Variants in SNPH observed in about 807,000 individuals in gnomAD.
SNPH encodes syntaphilin.
Under a neutral mutation model 36.8 loss-of-function variants are expected in SNPH, and 10 were observed. The observed-to-expected ratio is 0.27, with a 90% confidence interval of 0.17 to 0.46. The LOEUF (loss-of-function observed/expected upper bound fraction) is 0.46. SNPH is among the 20% of genes least tolerant of loss of function. SNPH has a pLI of 1.00. For missense variants in SNPH, 622 were observed against 744.0 expected (o/e 0.84, Z 1.91); for synonymous variants, 281 against 312.2 (o/e 0.90, Z 1.05).
At chr20:1,298,792 T>A (rs1378200369) in intron 5 of SNPH, among the ~76,000 whole-genome samples, 1 of 146,684 alleles carries the variant, frequency 6.8e-6, no homozygotes, top group Non-Finnish European at 1.5e-5. Flanking sequence ...CACAGCGTAT[T>A]TTTTTTCTAA....
chr20:1,271,510 T>G (rs1389726351), intron 2 of SNPH, among the ~76,000 whole-genome samples: 1 of 151,988 alleles, frequency 6.6e-6, no homozygotes, highest in Non-Finnish European at 1.5e-5. Flanking sequence ...CCCAGAAAAT[T>G]TTTGTATTTT....
intron 2 of SNPH, among the ~76,000 whole-genome samples, chr20:1,279,290 T>A (rs2088187771): frequency 6.6e-6 from 1 of 152,238 alleles, no homozygotes; most frequent in Admixed American, 6.5e-5. Context: ...TCCTTATGGC[T>A]TTAATTGGCA....
In SNPH at chr20:1,309,210, G is replaced by C. The variant is rs929599715; in HGVS notation, c.*3156G>C. The stretch of plus-strand genomic sequence containing the variant: ...CCATCCCCTTCACGAAGAATTCAGG[G>C]GATGTGGGAAGTGGGGAGGCGGGGA... On this transcript the variant is annotated 3_prime_UTR_variant, in exon 7 of 7. Transcript: ENST00000381867. 1 of 152,658 alleles carries C rather than the reference G, an allele frequency of 6.6e-6. No homozygotes were observed. The highest frequency in any genetic ancestry group is 6.5e-5 in the Admixed American group (1 of 15,290). 9.5% of individuals were successfully genotyped at this position (152,658 alleles called of 1,614,324 possible). A position where few individuals can be genotyped will look rare whatever the true frequency, so the allele number is the denominator to read the frequency against.
chr20:1,306,433 C>CCCTGCACCATCCTGT lies in SNPH; in HGVS notation c.*382_*396dup, dbSNP rs1391302598. The CCCTGCACCATCCTGT allele has an allele frequency of 5.3e-6, 1 of 188,288 alleles. No individual in the cohort carries two copies. The highest frequency in any genetic ancestry group is 1.1e-5 in the Non-Finnish European group (1 of 93,342). The allele number at this position is 188,288 out of a possible 1,614,324, so 11.7% of individuals were successfully genotyped here. ...GGCTTGAGTTGCCCATAGGCCCCTGCCCTGCACCATCCTGTCCAGTGCCCT... is the reference window on the plus strand; with the variant it reads ...GGCTTGAGTTGCCCATAGGCCCCTGCCCTGCACCATCCTGTCCTGCACCATCCTGTCCAGTGCCCT... On this transcript the variant is annotated 3_prime_UTR_variant, in exon 7 of 7. Transcript: ENST00000381867.
chr20:1,281,004 T>TG (rs2088211378), intron 2 of SNPH, among the ~76,000 whole-genome samples: 1 of 151,900 alleles, frequency 6.6e-6, no homozygotes, highest in South Asian at 2.1e-4. Context: ...CTGGGTGGAG[T>TG]GGGGGGTGTG....
Position 1,305,518 on chromosome 20 carries a change from G to A in SNPH, c.1081G>A (p.Asp361Asn). 5.0e-6 allele frequency: 8 copies of A among 1,613,258 alleles called. No homozygotes were observed. Among genetic ancestry groups the A allele is most frequent in the Non-Finnish European group, 5.9e-6 (7 of 1,179,982 alleles). The change falls in exon 7 of 7, where the codon GAC becomes AAC. Residue 361 changes from aspartate (D) to asparagine (N), a missense_variant. Asp to Asn is a conservative substitution (Grantham distance 23). This residue lies in a region of SNPH where 379 missense variants were observed against 427.9 expected (regional missense o/e 0.89). Coordinates refer to ENST00000381867, the MANE Select transcript of SNPH (RefSeq NM_001318234.2). ...CATGCAGGAGCGTGCCATCCAGACA[G>A]ACTTCGTGCAGTACCAGCCTGACCT... ...SCMQERAIQTDFVQYQPDLDT... is the reference protein window; with the variant it reads ...SCMQERAIQTNFVQYQPDLDT...
intron 2 of SNPH, among the ~76,000 whole-genome samples, chr20:1,290,704 A>G (rs926843022): frequency 6.6e-6 from 1 of 152,218 alleles, no homozygotes; most frequent in African/African-American, 2.4e-5. Context: ...TTTGGGGTAT[A>G]TACCTAGCAG....
rs918513796 is a variant in SNPH at position 1,266,629 on chromosome 20, CTA to C, written c.-599-23_-599-22del. ...CCCGCCCGCGCTCACCCGCCCCGGT[CTA>C]TCTCTTTTTCCTAACCCCGCAGGTC... On this transcript the variant is annotated intron_variant, in intron 1 of 6. Coordinates refer to ENST00000381867, the MANE Select transcript of SNPH (RefSeq NM_001318234.2). This position sits in a 1 kb window ranked among gnomAD's most constrained non-coding sequence, Gnocchi z 6.0. 2 of 1,483,486 alleles carry C rather than the reference CTA, an allele frequency of 1.3e-6. No individual in the cohort carries two copies. The highest frequency in any genetic ancestry group is 2.9e-5 in the African/African-American group (2 of 67,964). 91.9% of individuals were successfully genotyped at this position (1,483,486 alleles called of 1,614,324 possible).
At chr20:1,289,555 AC>A (rs2088329300) in intron 2 of SNPH, among the ~76,000 whole-genome samples, 3 of 114,798 alleles carry the variant, frequency 2.6e-5, no homozygotes, top group African/African-American at 6.3e-5. Flanking sequence ...ACACACACAC[AC>A]AATGGAGTCA....
In SNPH at chr20:1,285,018, C is replaced by T. The variant is rs368871731; in HGVS notation, c.-492-9933C>T. 6.6e-6 allele frequency among the ~76,000 whole-genome samples: 1 copy of T among 152,010 alleles called. No individual in the cohort carries two copies. Among genetic ancestry groups the T allele is most frequent in the Non-Finnish European group, 1.5e-5 (1 of 68,014 alleles). Reference sequence around the variant, plus strand: ...ACCAGGGATGGAGCAGTGAAGATGCCGAAAGGTGTCAGATTCTGTGACTGT... The same window carrying T: ...ACCAGGGATGGAGCAGTGAAGATGCTGAAAGGTGTCAGATTCTGTGACTGT... On this transcript the variant is annotated intron_variant, in intron 2 of 6. Coordinates refer to ENST00000381867, the MANE Select transcript of SNPH (RefSeq NM_001318234.2). The surrounding 1 kb of genome is among the most constrained non-coding windows in gnomAD (Gnocchi z 4.9).
chr20:1,300,443 C>A, intron 5 of SNPH, 119 bp from the exon 6 acceptor site: 2 of 1,101,632 alleles, frequency 1.8e-6, no homozygotes, highest in Non-Finnish European at 1.3e-6. Flanking sequence ...GGAGGCCTGG[C>A]TTGGAGCATC....
Position 1,270,604 on chromosome 20 carries a change from G to A in SNPH, c.-493+3844G>A, listed in dbSNP as rs558335877. Among the ~76,000 whole-genome samples the A allele has an allele frequency of 4.6e-5, 7 of 152,286 alleles. No homozygotes were observed. The South Asian group carries it at 6.2e-4, about 14-fold the overall frequency. ...AGTCTAGGGGACTATCCAAGCTCAC[G>A]CTGTAACACAATTTTGATGGAACTA... On this transcript the variant is annotated intron_variant, in intron 2 of 6. Transcript: ENST00000381867.
chr20:1,267,020 T>C (rs1436307467), intron 2 of SNPH, among the ~76,000 whole-genome samples: 2 of 152,150 alleles, frequency 1.3e-5, no homozygotes, highest in Non-Finnish European at 2.9e-5. Flanking sequence ...AGGAGGCTTT[T>C]AGGGAACCCA....
At chr20:1,298,293 T>C (rs770259650) in intron 5 of SNPH, among the ~76,000 whole-genome samples, 1 of 152,212 alleles carries the variant, frequency 6.6e-6, no homozygotes, top group Non-Finnish European at 1.5e-5. Flanking sequence ...TGTTAGAGCT[T>C]TGATCTGACT....
chr20:1,288,395 A>G (rs1273131400), intron 2 of SNPH, among the ~76,000 whole-genome samples: 1 of 152,082 alleles, frequency 6.6e-6, no homozygotes, highest in Admixed American at 6.5e-5. Context: ...TCAAAGACCC[A>G]AGGTCACCAA....
At chr20:1,286,965 A>G (rs2088291070) in intron 2 of SNPH, among the ~76,000 whole-genome samples, 1 of 152,192 alleles carries the variant, frequency 6.6e-6, no homozygotes, top group Admixed American at 6.5e-5. Context: ...CAGCACACAC[A>G]GGGCAACTTT....
intron 2 of SNPH, among the ~76,000 whole-genome samples, chr20:1,287,626 G>A (rs2088299318): frequency 1.3e-5 from 2 of 152,188 alleles, no homozygotes; most frequent in Non-Finnish European, 2.9e-5. Context: ...CTGAGAGTGT[G>A]TTAGTCCCTG....
rs1177652798 is a variant in SNPH, at chr20:1,306,003, C to T, written c.1566C>T (p.Arg522=). 2.0e-6 allele frequency: 3 copies of T among 1,527,616 alleles called. No individual in the cohort carries two copies. The African/African-American group carries it at 4.1e-5, about 21-fold the overall frequency. 94.6% of individuals were successfully genotyped at this position (1,527,616 alleles called of 1,614,324 possible). A position where few individuals can be genotyped will look rare whatever the true frequency, so the allele number is the denominator to read the frequency against. Reference sequence around the variant, plus strand: ...ACTCCATCCGCAGGATCAGCTGCCGCTCGCTGAGCCAGCCGAGTCCCAGCC... The same window carrying T: ...ACTCCATCCGCAGGATCAGCTGCCGTTCGCTGAGCCAGCCGAGTCCCAGCC... The part of the protein sequence containing the change: ...ALHSIRRISC[R]SLSQPSPSPA... The change falls in exon 7 of 7, where the codon CGC becomes CGT. Residue 522 remains arginine, a synonymous_variant. Coordinates refer to ENST00000381867, the MANE Select transcript of SNPH (RefSeq NM_001318234.2).
chr20:1,289,298 T>C (rs1435333730), intron 2 of SNPH, among the ~76,000 whole-genome samples: 1 of 152,062 alleles, frequency 6.6e-6, no homozygotes, highest in Non-Finnish European at 1.5e-5. Flanking sequence ...GTTGTGAATA[T>C]GCAAGAGCTT....
Sources: allele counts gnomAD v4.1 joint callset (sites outside exome capture counted in the v4.1 genomes callset), GRCh38; gene constraint gnomAD v4.1.1; regional missense constraint gnomAD v4.1.1; non-coding constraint Gnocchi (gnomAD v3.1); transcripts MANE v1.5; gene names NCBI Gene and HGNC (gene_info 2026-07-23, HGNC 2026-07-21).